Variants in FBN1 observed in about 807,000 individuals in gnomAD.
The protein encoded by FBN1 is fibrillin 1, also known as fibrillin-1.
In FBN1, 29 loss-of-function variants were observed where a neutral mutation model predicts 365.1. That is an observed-to-expected ratio of 0.08 (90% CI 0.06 to 0.11). The LOEUF is 0.11. Among genes scored for constraint, FBN1 ranks in the 10% least tolerant of loss-of-function variants. The pLI, the probability that FBN1 is intolerant of heterozygous loss-of-function variation, is 1.00. For synonymous variants in FBN1, 1,210 were observed against 1,270.5 expected, an observed-to-expected ratio of 0.95 and a Z score of 1.01; for missense variants, 2,476 against 3,703.2, an observed-to-expected ratio of 0.67 and a Z score of 8.60.
chr15:48,462,489 T>C (rs949326389), intron 42 of FBN1, among the ~76,000 whole-genome samples: 3 of 152,222 alleles, frequency 2.0e-5, no homozygotes, highest in Non-Finnish European at 4.4e-5. Flanking sequence ...TTGAGAATTT[T>C]GTACTTGATC....
intron 3 of FBN1, among the ~76,000 whole-genome samples, chr15:48,611,909 T>C (rs536934594): frequency 1.3e-5 from 2 of 152,372 alleles, no homozygotes; most frequent in African/African-American, 4.8e-5. Flanking sequence ...GTACACTTGA[T>C]AGAAAGTGCA....
At chr15:48,525,071 T>A (rs1439473351) in intron 9 of FBN1, among the ~76,000 whole-genome samples, 1 of 150,788 alleles carries the variant, frequency 6.6e-6, no homozygotes, top group African/African-American at 2.5e-5. Context: ...AATTATTAAA[T>A]CCAGCAGCTG....
rs2042845479 is a variant in FBN1, at chr15:48,409,734, T to C, written c.*1256A>G. 1 of 152,092 alleles carries C rather than the reference T, an allele frequency of 6.6e-6. No homozygotes were observed. The highest frequency in any genetic ancestry group is 1.5e-5 in the Non-Finnish European group (1 of 68,028). 9.4% of individuals were successfully genotyped at this position (152,092 alleles called of 1,614,324 possible). On this transcript the variant is annotated 3_prime_UTR_variant, in exon 66 of 66. Transcript: ENST00000316623. ...ATATTTGAGAGGGGGGCATGATAAA[T>C]CTATTATAATGAAATTCATGTGCTC...
chr15:48,445,187 T>TAC (rs2043146733), intron 48 of FBN1, among the ~76,000 whole-genome samples, 189 bp downstream of exon 48: 1 of 139,936 alleles, frequency 7.1e-6, no homozygotes, highest in Non-Finnish European at 1.5e-5. Context: ...TATATATGTA[T>TAC]ATATATATAC....
chr15:48,584,327 G>A (rs775358984), intron 6 of FBN1, among the ~76,000 whole-genome samples: 5 of 152,098 alleles, frequency 3.3e-5, no homozygotes, highest in South Asian at 2.1e-4. Context: ...TCCTCAGAGC[G>A]TGAGTTCGTG....
chr15:48,458,457 G>T (rs1028595257), intron 43 of FBN1, among the ~76,000 whole-genome samples: 1 of 152,128 alleles, frequency 6.6e-6, no homozygotes, highest in Non-Finnish European at 1.5e-5. Flanking sequence ...TCACACCTTT[G>T]TCATTCATGT....
At chr15:48,524,039 C>T (rs1251996474) in intron 9 of FBN1, among the ~76,000 whole-genome samples, 2 of 152,142 alleles carry the variant, frequency 1.3e-5, no homozygotes, top group East Asian at 1.9e-4. Context: ...TAACCTGTCA[C>T]GAACATGGTT....
intron 21 of FBN1, 95 bp downstream of exon 21, chr15:48,495,373 TG>T (rs2043597855): frequency 6.3e-7 from 1 of 1,590,890 alleles, no homozygotes; most frequent in Admixed American, 1.7e-5. Flanking sequence ...TTTTTAATAT[TG>T]TTCATCCATA....
At chr15:48,625,427 T>C (rs1380459079) in intron 2 of FBN1, among the ~76,000 whole-genome samples, 3 of 152,096 alleles carry the variant, frequency 2.0e-5, no homozygotes, top group Admixed American at 6.5e-5. Context: ...CTGTGAGAAA[T>C]GAACACCTTA....
intron 65 of FBN1, among the ~76,000 whole-genome samples, chr15:48,412,274 G>A (rs2042869659): frequency 6.6e-6 from 1 of 152,188 alleles, no homozygotes; most frequent in Admixed American, 6.5e-5. Context: ...TGCTGTCCTG[G>A]ATCTCAGACC....
In FBN1 at chr15:48,492,685, G is replaced by GT. The variant is rs2043571771; in HGVS notation, c.2729-100dup. The GT allele has an allele frequency of 1.6e-5, 17 of 1,041,162 alleles. No individual in the cohort carries two copies. The South Asian group carries it at 2.5e-4, about 15-fold the overall frequency. 64.5% of individuals were successfully genotyped at this position (1,041,162 alleles called of 1,614,324 possible). ...ATAATTATTCCCCATTTTGAACCTGGTAAGTTCATAAAACTAGTTTGCCTA... is the reference window on the plus strand; with the variant it reads ...ATAATTATTCCCCATTTTGAACCTGGTTAAGTTCATAAAACTAGTTTGCCTA... On this transcript the variant is annotated intron_variant, in intron 23 of 65. Transcript: ENST00000316623.
chr15:48,481,209 A>T (rs886585536), intron 32 of FBN1, among the ~76,000 whole-genome samples: 4 of 152,226 alleles, frequency 2.6e-5, no homozygotes, highest in African/African-American at 9.6e-5. Context: ...CTGGAAGACT[A>T]GTGAGAATTG....
chr15:48,529,845 A>C (rs1197353635), intron 8 of FBN1: 2 of 154,454 alleles, frequency 1.3e-5, no homozygotes, highest in East Asian at 3.8e-4. Context: ...GCTTTTATCC[A>C]TGCTGCATCC....
Position 48,644,884 on chromosome 15 carries a change from C to G in FBN1, c.-115G>C, listed in dbSNP as rs887014145. The stretch of plus-strand genomic sequence containing the variant: ...GCCGGGGTCCCGCTATCCCGCCGCC[C>G]GTCCCCCGGGCCGGGCTCCTCCCGC... On this transcript the variant is annotated 5_prime_UTR_variant, in exon 2 of 66. Coordinates refer to ENST00000316623, the MANE Select transcript of FBN1 (RefSeq NM_000138.5). 3.7e-6 allele frequency: 4 copies of G among 1,083,984 alleles called. No individual in the cohort carries two copies. The highest frequency in any genetic ancestry group is 4.7e-6 in the Non-Finnish European group (4 of 849,996). The allele number at this position is 1,083,984 out of a possible 1,614,324, so 67.1% of individuals were successfully genotyped here.
chr15:48,486,271 G>T (rs1384413126), intron 29 of FBN1, among the ~76,000 whole-genome samples: 1 of 152,212 alleles, frequency 6.6e-6, no homozygotes, highest in Non-Finnish European at 1.5e-5. Context: ...AATAACCTGA[G>T]TTGAAGTTCT....
intron 49 of FBN1, among the ~76,000 whole-genome samples, chr15:48,442,524 T>C (rs148635279): frequency 1.5e-3 from 223 of 152,336 alleles, no homozygotes; most frequent in African/African-American, 5.0e-3. Context: ...ACTGTACACT[T>C]AGAATTGTGG....
At chr15:48,486,297 A>G (rs1270109025) in intron 29 of FBN1, among the ~76,000 whole-genome samples, 2 of 152,218 alleles carry the variant, frequency 1.3e-5, no homozygotes, top group Non-Finnish European at 2.9e-5. Context: ...GTCCTGGGCC[A>G]TGTTTCAGAA....
intron 15 of FBN1, 52 bp from the exon 16 acceptor site, chr15:48,505,199 TA>T: frequency 1.9e-6 from 3 of 1,608,918 alleles, no homozygotes; most frequent in Non-Finnish European, 2.6e-6. Flanking sequence ...TATCTAAAAT[TA>T]TAACATGTTG....
intron 49 of FBN1, among the ~76,000 whole-genome samples, chr15:48,442,534 G>C (rs938353891): frequency 6.6e-6 from 1 of 152,130 alleles, no homozygotes; most frequent in Non-Finnish European, 1.5e-5. Flanking sequence ...TAGAATTGTG[G>C]CATGTTTTCT....
Sources: gnomAD v4.1 joint callset for allele counts (sites outside exome capture counted in the v4.1 genomes callset) on GRCh38, gnomAD v4.1.1 for gene constraint, MANE v1.5 for transcripts, NCBI Gene and HGNC (gene_info 2026-07-23, HGNC 2026-07-21) for gene names.